The following LBR variants were observed in gnomAD, a reference collection of about 807,000 sequenced individuals.
LBR encodes the protein lamin B receptor.
LBR carries 28 observed loss-of-function variants against 74.3 expected under a neutral mutation model. The ratio of observed to expected loss-of-function variants is 0.38; its 90% confidence interval spans 0.28 to 0.52. The LOEUF is 0.52. Among genes scored for constraint, LBR ranks in the 20% least tolerant of loss-of-function variants. LBR has a pLI of 0.89. For missense variants in LBR, 717 were observed against 760.3 expected (o/e 0.94, Z 0.67); for synonymous variants, 228 against 269.3 (o/e 0.85, Z 1.50).
At chr1:225,421,420 G>T (rs1558657376) in intron 3 of LBR, among the ~76,000 whole-genome samples, 1 of 152,242 alleles carries the variant, frequency 6.6e-6, no homozygotes, top group Non-Finnish European at 1.5e-5. Context: ...GTGAACCCAG[G>T]AGGCGGAGCT....
In LBR at chr1:225,424,068, C is replaced by T. The variant is rs746311894; in HGVS notation, c.8G>A (p.Ser3Asn). Reference sequence around the variant, plus strand: ...CACTTCACCATCGGCAAATTTCCTACTTGGCATTTTCTATAATTAACCTGA... The same window carrying T: ...CACTTCACCATCGGCAAATTTCCTATTTGGCATTTTCTATAATTAACCTGA... MP[S>N]RKFADGEVVR... The change falls in exon 2 of 14, where the codon AGT (serine) becomes AAT (asparagine). Residue 3 changes from serine to asparagine, a missense_variant. Physicochemically the swap from Ser to Asn is conservative, Grantham distance 46. Coordinates refer to ENST00000272163, the MANE Select transcript of LBR (RefSeq NM_002296.4). 16 of 1,613,944 alleles carry T rather than the reference C, an allele frequency of 9.9e-6. 1 individual carries two copies. The Admixed American group carries it at 1.7e-4, about 17-fold the overall frequency.
At position 225,404,458 on chromosome 1, in the gene LBR, G is replaced by A; in HGVS notation, c.1633C>T (p.His545Tyr). 1 of 1,614,064 alleles carries A rather than the reference G, an allele frequency of 6.2e-7. No individual in the cohort carries two copies. Among genetic ancestry groups the A allele is most frequent in the Non-Finnish European group, 8.5e-7 (1 of 1,179,954 alleles). Residue 545 changes from histidine to tyrosine, a missense_variant, in exon 13 of 14, where the codon CAC becomes TAC. Physicochemically the swap from His to Tyr is moderately conservative, Grantham distance 83 (BLOSUM62 2). Transcript: ENST00000272163. ...ATGAGATCACCCAAGTAATTGGGGTGGCGAACAAAGCCCCACCATCCAGAA... is the reference window on the plus strand; with the variant it reads ...ATGAGATCACCCAAGTAATTGGGGTAGCGAACAAAGCCCCACCATCCAGAA... ...LVSGWWGFVR[H>Y]PNYLGDLIMA...
rs2096129461 is a variant in LBR at position 225,422,443 on chromosome 1, T to C, written c.166-166A>G. On this transcript the variant is annotated intron_variant, in intron 2 of 13. Coordinates refer to ENST00000272163, the MANE Select transcript of LBR (RefSeq NM_002296.4). Reference sequence around the variant, plus strand: ...TGGATCAGATGAAGCCAATGGAAAATGCTTTCATAATGATCCATCTTTCAT... The same window carrying C: ...TGGATCAGATGAAGCCAATGGAAAACGCTTTCATAATGATCCATCTTTCAT... The C allele has an allele frequency of 9.2e-6, 6 of 654,514 alleles. No homozygotes were observed. The South Asian group carries it at 1.0e-4, about 11-fold the overall frequency. 40.5% of individuals were successfully genotyped at this position (654,514 alleles called of 1,614,324 possible).
intron 6 of LBR, 75 bp downstream of exon 6, chr1:225,417,909 G>T (rs904291395): frequency 2.2e-6 from 3 of 1,394,028 alleles, no homozygotes; most frequent in Non-Finnish European, 3.0e-6. Flanking sequence ...CTTGATCCCA[G>T]AAATTGGAGA....
intron 6 of LBR, chr1:225,417,547 G>A (rs1490589668): frequency 2.6e-5 from 4 of 154,866 alleles, no homozygotes; most frequent in Admixed American, 1.9e-4. Context: ...AAAGTCCATC[G>A]AGCCCAGTAG....
chr1:225,404,603 T>C, intron 12 of LBR, 23 bp downstream of exon 12: 1 of 1,579,824 alleles, frequency 6.3e-7, no homozygotes, highest in Non-Finnish European at 8.7e-7. Context: ...ATATATATAA[T>C]ATAAACATAA....
chr1:225,419,262 C>G lies in LBR; in HGVS notation c.640+1G>C. 1 of 1,614,112 alleles carries G rather than the reference C, an allele frequency of 6.2e-7. No homozygotes were observed. The highest frequency in any genetic ancestry group is 8.5e-7 in the Non-Finnish European group (1 of 1,179,990). On this transcript the variant is annotated splice_donor_variant, in intron 5 of 13. Coordinates refer to ENST00000272163, the MANE Select transcript of LBR (RefSeq NM_002296.4). LOFTEE classifies it high-confidence loss of function. ...TCTCTGGGCCCAGCTCTGAGGCCTA[C>G]CAGGTACTCCTCCAAACTCCAAGTC...
intron 1 of LBR, 69 bp from the exon 2 acceptor site, chr1:225,424,158 G>T: frequency 8.5e-7 from 1 of 1,173,012 alleles, no homozygotes; most frequent in Non-Finnish European, 1.3e-6. Context: ...TTTTCCACAG[G>T]CTGATCACTA....
At chr1:225,416,790 A>G (rs1455824696) in intron 6 of LBR, among the ~76,000 whole-genome samples, 2 of 152,226 alleles carry the variant, frequency 1.3e-5, no homozygotes, top group Non-Finnish European at 2.9e-5. Context: ...ATACAGTATG[A>G]TAACTATTTA....
chr1:225,426,718 T>C (rs919352759), intron 1 of LBR, among the ~76,000 whole-genome samples: 2 of 152,304 alleles, frequency 1.3e-5, no homozygotes, highest in East Asian at 1.9e-4. Context: ...TGAGCCCCGG[T>C]AGCCCCACTA....
In LBR at chr1:225,403,274, G is replaced by T. The variant is rs755166445; in HGVS notation, c.*29C>A. On this transcript the variant is annotated 3_prime_UTR_variant, in exon 14 of 14. Transcript: ENST00000272163. ...TTGCAAATGGCAGCTGGAATTGCAG[G>T]AGTATTTTGTAGAAAAGCCAGAAGA... The T allele has an allele frequency of 2.5e-6, 4 of 1,606,896 alleles. No individual in the cohort carries two copies. Among genetic ancestry groups the T allele is most frequent in the Non-Finnish European group, 3.4e-6 (4 of 1,173,438 alleles).
intron 13 of LBR, 145 bp downstream of exon 13, chr1:225,404,259 C>T: frequency 9.6e-7 from 1 of 1,041,618 alleles, no homozygotes; most frequent in South Asian, 1.4e-5. Flanking sequence ...GCCAGAGGAG[C>T]TTCTACAGAG....
intron 1 of LBR, 170 bp downstream of exon 1, chr1:225,427,776 AAGGCGAGG>A (rs1216207328): frequency 5.3e-5 from 8 of 152,126 alleles, no homozygotes; most frequent in African/African-American, 1.9e-4. Context: ...TGGGCCAGAA[AAGGCGAGG>A]AGGGGAGGAG....
At position 225,424,000 on chromosome 1, in the gene LBR, C is replaced by T; in HGVS notation, c.76G>A (p.Glu26Lys). 1 of 1,614,066 alleles carries T rather than the reference C, an allele frequency of 6.2e-7. No homozygotes were observed. Among genetic ancestry groups the T allele is most frequent in the Non-Finnish European group, 8.5e-7 (1 of 1,179,950 alleles). The change falls in exon 2 of 14, where the codon GAA becomes AAA. Residue 26 changes from glutamate (E) to lysine (K), a missense_variant. Physicochemically the swap from Glu to Lys is moderately conservative, Grantham distance 56. Coordinates refer to ENST00000272163, the MANE Select transcript of LBR (RefSeq NM_002296.4). ...WPGSSLYYEVEILSHDSTSQL... is the reference protein window; with the variant it reads ...WPGSSLYYEVKILSHDSTSQL... ...GAGGTGCTGTCGTGGCTCAGAATTT[C>T]TACTTCATAATAAAGTGAACTCCCA...
intron 10 of LBR, 109 bp from the exon 11 acceptor site, chr1:225,406,941 A>G: frequency 1.9e-6 from 2 of 1,037,862 alleles, no homozygotes; most frequent in Admixed American, 4.1e-5. Context: ...CGGGTCCACA[A>G]TCAACATTTT....
At chr1:225,418,808 C>A (rs1481631675) in intron 5 of LBR, among the ~76,000 whole-genome samples, 1 of 152,186 alleles carries the variant, frequency 6.6e-6, no homozygotes, top group East Asian at 1.9e-4. Flanking sequence ...AGATCTTTGA[C>A]CCTCACAATC....
In LBR at chr1:225,425,603, G is replaced by C. The variant is rs577636065; in HGVS notation, c.-14-1514C>G. Among the ~76,000 whole-genome samples, 28 of 152,290 alleles carry C rather than the reference G, an allele frequency of 1.8e-4. No homozygotes were observed. In the South Asian group the frequency reaches 2.1e-3, roughly 11 times the overall value. ...ATGAGCAGGGGCATAAAAACGGAAG[G>C]TGACAACATCCAGCTTTGCCTATTT... On this transcript the variant is annotated intron_variant, in intron 1 of 13. Transcript: ENST00000272163.
chr1:225,426,143 T>C (rs1206833100), intron 1 of LBR, among the ~76,000 whole-genome samples: 2 of 152,242 alleles, frequency 1.3e-5, no homozygotes, highest in East Asian at 3.8e-4. Flanking sequence ...GCATTCTTCT[T>C]AGAAGACCAT....
intron 11 of LBR, 110 bp from the exon 12 acceptor site, chr1:225,404,816 A>G (rs919093821): frequency 2.4e-6 from 2 of 847,052 alleles, no homozygotes; most frequent in East Asian, 2.7e-5. Flanking sequence ...GAAATTTCCA[A>G]AGCAGACTCC....
Sources: gnomAD v4.1 joint callset for allele counts (sites outside exome capture counted in the v4.1 genomes callset) on GRCh38, gnomAD v4.1.1 for gene constraint, MANE v1.5 for transcripts, NCBI Gene and HGNC (gene_info 2026-07-23, HGNC 2026-07-21) for gene names.